CREBBP: variants seen among roughly 807,000 people sequenced by gnomAD.
CREBBP encodes CREB-binding protein.
Under a neutral mutation model 265.0 loss-of-function variants are expected in CREBBP, and 19 were observed. The ratio of observed to expected loss-of-function variants is 0.07; its 90% confidence interval spans 0.05 to 0.11. CREBBP has a LOEUF of 0.11. Among genes scored for constraint, CREBBP ranks in the 10% least tolerant of loss-of-function variants. The pLI, the probability that CREBBP is intolerant of heterozygous loss-of-function variation, is 1.00. For synonymous variants in CREBBP, 1,457 were observed against 1,223.7 expected (o/e 1.19, Z -3.98); for missense variants, 2,525 against 3,219.0 (o/e 0.78, Z 5.22).
chr16:3,780,931 C>CT, intron 7 of CREBBP, 53 bp from the exon 8 acceptor site: 1 of 1,603,690 alleles, frequency 6.2e-7, no homozygotes, highest in Non-Finnish European at 8.5e-7. Context: ...CTCAAACACA[C>CT]TTTGTCTAGT....
chr16:3,773,723 G>C (rs2053068308), intron 13 of CREBBP, 28 bp downstream of exon 13: 3 of 1,610,744 alleles, frequency 1.9e-6, no homozygotes, highest in Non-Finnish European at 1.7e-6. Context: ...ATTTCCTAGG[G>C]AGCCACGGTC....
At chr16:3,784,877 G>A (rs1004185124) in intron 5 of CREBBP, among the ~76,000 whole-genome samples, 4 of 152,102 alleles carry the variant, frequency 2.6e-5, no homozygotes, top group African/African-American at 7.2e-5. Flanking sequence ...CTGCTGACAC[G>A]GTCACTGCAT....
At chr16:3,760,515 G>C (rs2052692788) in intron 16 of CREBBP, among the ~76,000 whole-genome samples, 1 of 143,430 alleles carries the variant, frequency 7.0e-6, no homozygotes. Flanking sequence ...TGATTCTCCT[G>C]CCTCAGCCTC....
intron 2 of CREBBP, among the ~76,000 whole-genome samples, chr16:3,832,532 A>G (rs1351420602): frequency 6.6e-6 from 1 of 152,188 alleles, no homozygotes; most frequent in Non-Finnish European, 1.5e-5. Context: ...GGTGTAGCCT[A>G]CTACACACCT....
At chr16:3,773,102 CA>C (rs772233692) in intron 13 of CREBBP, among the ~76,000 whole-genome samples, 1 of 149,156 alleles carries the variant, frequency 6.7e-6, no homozygotes, top group African/African-American at 2.5e-5. Flanking sequence ...GACAAACAAA[CA>C]AAAAAAAACT....
chr16:3,810,805 G>C, intron 2 of CREBBP, 26 bp from the exon 3 acceptor site: 1 of 1,612,310 alleles, frequency 6.2e-7, no homozygotes, highest in African/African-American at 1.3e-5. Context: ...GGTAACATCA[G>C]CTGTGGTGAC....
chr16:3,835,321 G>C (rs1416265857), intron 2 of CREBBP, among the ~76,000 whole-genome samples: 2 of 152,050 alleles, frequency 1.3e-5, no homozygotes, highest in East Asian at 3.8e-4. Context: ...ATGACCTGCG[G>C]TTTCCATCCC....
rs535155554 is a variant in CREBBP, at chr16:3,766,597, C to T, written c.3250+1123G>A. Among the ~76,000 whole-genome samples, 4 of 151,990 alleles carry T rather than the reference C, an allele frequency of 2.6e-5. No homozygotes were observed. In the East Asian group the frequency reaches 7.7e-4, roughly 29 times the overall value. On this transcript the variant is annotated intron_variant, in intron 16 of 30. Transcript: ENST00000262367. ...CTAGAGTGCAGTGATGTGATCTGGG[C>T]TCACTGCAGCCTCAAACTCCTAGGC... is the stretch of plus-strand genomic sequence containing the variant.
chr16:3,737,109 C>T (rs565974404), intron 26 of CREBBP: 1 of 504,806 alleles, frequency 2.0e-6, no homozygotes, highest in East Asian at 3.6e-5. Flanking sequence ...TATGATGGCT[C>T]ATCAAGGCAA....
At chr16:3,803,655 G>C (rs537159974) in intron 3 of CREBBP, among the ~76,000 whole-genome samples, 7 of 152,194 alleles carry the variant, frequency 4.6e-5, no homozygotes, top group African/African-American at 1.4e-4. Flanking sequence ...CAAGGCTCAG[G>C]GTAAGAAATG....
In CREBBP at chr16:3,777,806, C is replaced by A. The variant is rs948043790; in HGVS notation, c.2114-149G>T. The A allele has an allele frequency of 1.1e-5, 12 of 1,095,200 alleles. No homozygotes were observed. The Admixed American group carries it at 2.3e-4, about 21-fold the overall frequency. 67.8% of individuals were successfully genotyped at this position (1,095,200 alleles called of 1,614,324 possible). A position where few individuals can be genotyped will look rare whatever the true frequency, so the allele number is the denominator to read the frequency against. On this transcript the variant is annotated intron_variant, in intron 10 of 30. Coordinates refer to ENST00000262367, the MANE Select transcript of CREBBP (RefSeq NM_004380.3). ...AAAAGCACGTGTGTTCCAATGCCAG[C>A]GCACCCTGTAAAGGGCCTTCCCAAG... is the stretch of plus-strand genomic sequence containing the variant.
At chr16:3,819,905 C>T (rs928740109) in intron 2 of CREBBP, among the ~76,000 whole-genome samples, 2 of 152,188 alleles carry the variant, frequency 1.3e-5, no homozygotes, top group African/African-American at 2.4e-5. Context: ...CATAAGCCAG[C>T]CACGACACAG....
chr16:3,835,155 T>A (rs1301351326), intron 2 of CREBBP, among the ~76,000 whole-genome samples: 1 of 151,854 alleles, frequency 6.6e-6, no homozygotes, highest in Non-Finnish European at 1.5e-5. Flanking sequence ...CGAGACTCCT[T>A]CTCCAAAACA....
intron 16 of CREBBP, chr16:3,767,470 C>T: frequency 1.7e-6 from 1 of 586,848 alleles, no homozygotes. Flanking sequence ...CATCAGAAGA[C>T]AGCTCTGCAG....
At chr16:3,836,509 A>C (rs576683638) in intron 2 of CREBBP, among the ~76,000 whole-genome samples, 20 of 152,158 alleles carry the variant, frequency 1.3e-4, no homozygotes, top group African/African-American at 4.3e-4. Context: ...GGGACAGAAA[A>C]AGGGAGGCAT....
At position 3,767,771 on chromosome 16, in the gene CREBBP, T is replaced by C. The variant is rs587778210; in HGVS notation, c.3199A>G (p.Ser1067Gly). Residue 1067 changes from serine to glycine, a missense_variant, in exon 16 of 31, where the codon AGT becomes GGT. By Grantham distance (56) the Ser-to-Gly change is moderately conservative. Around this residue, in one of 19 missense-constraint regions of CREBBP, gnomAD observed 548 missense variants for 533.0 expected, o/e 1.03. Coordinates refer to ENST00000262367, the MANE Select transcript of CREBBP (RefSeq NM_004380.3). The stretch of plus-strand genomic sequence containing the variant: ...GTTGACTGAGAGGCTGTGCCGTTAC[T>C]GCTACTCTCTTCTTCCTCTTTAACT... ...VEVKEEEESS[S>G]NGTASQSTSP... is the part of the protein sequence containing the mutation. 1 of 1,614,262 alleles carries C rather than the reference T, an allele frequency of 6.2e-7. No individual in the cohort carries two copies.
rs1225470937 is a variant in CREBBP at position 3,731,867 on chromosome 16, A to T, written c.4799T>A (p.Ile1600Asn). 6.2e-7 allele frequency: 1 copy of T among 1,614,222 alleles called. No individual in the cohort carries two copies. Among genetic ancestry groups the T allele is most frequent in the Non-Finnish European group, 8.5e-7 (1 of 1,180,028 alleles). ...GGGCTTCTTCTTGTTGGCGCGGCTG[A>T]TGCTGCTTTTGTTCTTGTTGGTTTT... ...NKKTNKNKSSISRANKKKPSM... is the reference protein window; with the variant it reads ...NKKTNKNKSSNSRANKKKPSM... Residue 1600 changes from isoleucine (I) to asparagine (N), a missense_variant, in exon 29 of 31, where the codon ATC (isoleucine) becomes AAC (asparagine). Ile to Asn is a moderately radical substitution (Grantham distance 149, BLOSUM62 -3). Transcript: ENST00000262367. The surrounding 1 kb of genome is among the most constrained non-coding windows in gnomAD (Gnocchi z 7.7).
At chr16:3,851,955 G>A (rs1396503443) in intron 1 of CREBBP, among the ~76,000 whole-genome samples, 2 of 139,126 alleles carry the variant, frequency 1.4e-5, no homozygotes, top group South Asian at 2.4e-4. Context: ...GGAGAATGGC[G>A]TGAACCTGGG....
chr16:3,850,165 C>A, intron 2 of CREBBP, 132 bp downstream of exon 2: 1 of 847,956 alleles, frequency 1.2e-6, no homozygotes, highest in Non-Finnish European at 2.0e-6. Flanking sequence ...TCTGTCTCTT[C>A]CAAGCATGAG....
Sources: gnomAD v4.1 joint callset for allele counts (sites outside exome capture counted in the v4.1 genomes callset) on GRCh38, gnomAD v4.1.1 for gene constraint, gnomAD v4.1.1 regional missense constraint, Gnocchi (gnomAD v3.1) non-coding constraint, MANE v1.5 for transcripts, NCBI Gene and HGNC (gene_info 2026-07-23, HGNC 2026-07-21) for gene names.